Variants in RHBG observed in about 807,000 individuals in gnomAD.
RHBG encodes ammonium transporter Rh type B.
In RHBG, 39 loss-of-function variants were observed where a neutral mutation model predicts 40.1. That is an observed-to-expected ratio of 0.97 (90% CI 0.75 to 1.27). The LOEUF (loss-of-function observed/expected upper bound fraction) is 1.27, where lower values mean the gene tolerates loss of function less well. RHBG is among the 50% of genes most tolerant of loss of function. RHBG has a pLI of 0.00. For missense variants in RHBG, 549 were observed against 588.1 expected, an observed-to-expected ratio of 0.93 and a Z score of 0.69; for synonymous variants, 237 against 252.5, an observed-to-expected ratio of 0.94 and a Z score of 0.58.
chr1:156,369,289 C>T lies in RHBG; in HGVS notation c.40C>T (p.Gln14Ter). The T allele has an allele frequency of 6.2e-7, 1 of 1,613,996 alleles. No homozygotes were observed. The highest frequency in any genetic ancestry group is 1.1e-5 in the South Asian group (1 of 91,078). Residue 14 changes from glutamine (Q) to a stop codon, truncating the protein, a stop_gained, in exon 1 of 10, where the codon CAG becomes TAG. Transcript: ENST00000537040. LOFTEE classifies it high-confidence loss of function. ...SPSRAAGRRL[Q>*]LPLLCLFLQG... ...TAGCCGCGCCGCGGGCCGGCGACTGCAGCTTCCCCTGCTGTGCCTCTTCCT... is the reference window on the plus strand; with the variant it reads ...TAGCCGCGCCGCGGGCCGGCGACTGTAGCTTCCCCTGCTGTGCCTCTTCCT...
In RHBG at chr1:156,382,775, C is replaced by T. The variant is rs773087833; in HGVS notation, c.1140C>T (p.Ala380=). Residue 380 remains alanine (A), a synonymous_variant, in exon 8 of 10, where the codon GCC becomes GCT. Transcript: ENST00000537040. ...DGLESVFPLI[A]EGQRSATSQA... ...TGGAGAGTGTGTTTCCACTCATAGC[C>T]GAGGGCCAGCGCAGTGCCACGTCAC... The T allele has an allele frequency of 6.2e-6, 10 of 1,614,048 alleles. No individual in the cohort carries two copies. The highest frequency in any genetic ancestry group is 4.0e-5 in the African/African-American group (3 of 74,918).
Position 156,384,533 on chromosome 1 carries a change from T to C in RHBG, c.1241T>C (p.Leu414Pro). The C allele has an allele frequency of 6.2e-7, 1 of 1,605,734 alleles. No individual in the cohort carries two copies. The change falls in exon 9 of 10, where the codon CTG becomes CCG. Residue 414 changes from leucine to proline, a missense_variant. Leu to Pro is a moderately conservative substitution (Grantham distance 98). Coordinates refer to ENST00000537040, the MANE Select transcript of RHBG (RefSeq NM_020407.5). ...ASVGGGLGGL[L>P]LKLPFLDSPP... Reference sequence around the variant, plus strand: ...CCTCCCCTACCACCACCAGGGCTCCTGCTGAAGCTACCCTTTCTGGACTCC... The same window carrying C: ...CCTCCCCTACCACCACCAGGGCTCCCGCTGAAGCTACCCTTTCTGGACTCC...
Position 156,377,357 on chromosome 1 carries a change from C to T in RHBG, c.244C>T (p.Leu82=). The T allele has an allele frequency of 6.2e-7, 1 of 1,614,184 alleles. No homozygotes were observed. The highest frequency in any genetic ancestry group is 8.5e-7 in the Non-Finnish European group (1 of 1,179,974). ...FVGFGFLMVF[L]QRYGFSSVGF... is the part of the protein sequence containing the mutation. ...GGGCTTTGGCTTCCTCATGGTCTTC[C>T]TGCAGCGTTACGGCTTCAGCAGCGT... is the stretch of plus-strand genomic sequence containing the variant. Residue 82 remains leucine (L), a synonymous_variant, in exon 2 of 10, where the codon CTG becomes TTG. Transcript: ENST00000537040. This position sits in a 1 kb window ranked among gnomAD's most constrained non-coding sequence, Gnocchi z 4.6.
At chr1:156,375,634 A>G (rs1667138564) in intron 1 of RHBG, among the ~76,000 whole-genome samples, 1 of 152,218 alleles carries the variant, frequency 6.6e-6, no homozygotes, top group Non-Finnish European at 1.5e-5. Flanking sequence ...CAACATAGCA[A>G]GACTGACATC....
intron 1 of RHBG, among the ~76,000 whole-genome samples, chr1:156,372,833 C>A (rs1219496341): frequency 1.3e-5 from 2 of 152,162 alleles, no homozygotes; most frequent in African/African-American, 2.4e-5. Flanking sequence ...ACTCTGTCAT[C>A]CAGGCTGGAG....
chr1:156,381,947 T>A lies in RHBG; in HGVS notation c.978+4T>A. ...GCTGGGGTACAAGTTCTTCACGGTA[T>A]AGATGCCTCTTGGAGCCTGGGCAGA... On this transcript the variant is annotated splice_donor_region_variant and intron_variant, in intron 6 of 9. Transcript: ENST00000537040. The A allele has an allele frequency of 6.2e-7, 1 of 1,611,656 alleles. No homozygotes were observed. Among genetic ancestry groups the A allele is most frequent in the Non-Finnish European group, 8.5e-7 (1 of 1,179,496 alleles).
intron 1 of RHBG, chr1:156,371,930 C>G (rs183603302): frequency 1.3e-5 from 2 of 152,136 alleles, no homozygotes; most frequent in East Asian, 1.9e-4. Flanking sequence ...CTTTTTCTGC[C>G]CTAGGTTTCC....
chr1:156,384,596 G>A lies in RHBG; in HGVS notation c.1304G>A (p.Trp435Ter). 2 of 1,572,982 alleles carry A rather than the reference G, an allele frequency of 1.3e-6. No homozygotes were observed. The highest frequency in any genetic ancestry group is 1.7e-4 in the Middle Eastern group (1 of 5,830). ...DSQHYEDQVH[W>*]QVPGEHEDKA... Reference sequence around the variant, plus strand: ...CAGCACTACGAGGACCAAGTTCACTGGCAGGTGAGACATTGCTGGGCTCTC... The same window carrying A: ...CAGCACTACGAGGACCAAGTTCACTAGCAGGTGAGACATTGCTGGGCTCTC... Residue 435 changes from tryptophan (W) to a stop codon, truncating the protein, a stop_gained, in exon 9 of 10, where the codon TGG becomes TAG. Transcript: ENST00000537040. LOFTEE classifies it low-confidence loss of function (END_TRUNC).
In RHBG at chr1:156,377,963, G is replaced by C. The variant is rs1245163973; in HGVS notation, c.375-27G>C. On this transcript the variant is annotated intron_variant, in intron 2 of 9. Coordinates refer to ENST00000537040, the MANE Select transcript of RHBG (RefSeq NM_020407.5). This position sits in a 1 kb window ranked among gnomAD's most constrained non-coding sequence, Gnocchi z 4.6. ...GAGGCCAGCCTCTCTGACCCCTCTTGTGCTCCCACTTCTGCCCCATCCCCA... is the reference window on the plus strand; with the variant it reads ...GAGGCCAGCCTCTCTGACCCCTCTTCTGCTCCCACTTCTGCCCCATCCCCA... The C allele has an allele frequency of 6.6e-7, 1 of 1,521,260 alleles. No individual in the cohort carries two copies. The highest frequency in any genetic ancestry group is 1.3e-5 in the South Asian group (1 of 76,296). The allele number at this position is 1,521,260 out of a possible 1,614,324, so 94.2% of individuals were successfully genotyped here. A position where few individuals can be genotyped will look rare whatever the true frequency, so the allele number is the denominator to read the frequency against.
chr1:156,376,783 T>C (rs1008587785), intron 1 of RHBG, among the ~76,000 whole-genome samples: 6 of 152,194 alleles, frequency 3.9e-5, no homozygotes, highest in Admixed American at 3.3e-4. Context: ...CAGTGAGCTA[T>C]GATCATGCCG....
intron 8 of RHBG, among the ~76,000 whole-genome samples, chr1:156,383,554 G>A (rs1160628532): frequency 1.3e-5 from 2 of 150,464 alleles, no homozygotes; most frequent in Admixed American, 6.6e-5. Context: ...GGGATTACAG[G>A]CGTGAGCCAC....
At chr1:156,374,500 C>G (rs1350159039) in intron 1 of RHBG, 5 of 359,632 alleles carry the variant, frequency 1.4e-5, no homozygotes, top group Non-Finnish European at 2.7e-5. Flanking sequence ...TGAGTGAGAA[C>G]ATGCGGTGTT....
Position 156,377,906 on chromosome 1 carries a change from G to C in RHBG, c.375-84G>C. The C allele has an allele frequency of 1.3e-6, 1 of 769,956 alleles. No homozygotes were observed. The highest frequency in any genetic ancestry group is 2.1e-6 in the Non-Finnish European group (1 of 481,224). The allele number at this position is 769,956 out of a possible 1,614,324, so 47.7% of individuals were successfully genotyped here. A position where few individuals can be genotyped will look rare whatever the true frequency, so the allele number is the denominator to read the frequency against. On this transcript the variant is annotated intron_variant, in intron 2 of 9. Coordinates refer to ENST00000537040, the MANE Select transcript of RHBG (RefSeq NM_020407.5). This position sits in a 1 kb window ranked among gnomAD's most constrained non-coding sequence, Gnocchi z 4.6. ...AACCCCACCCCACCCACCACATCATGCTGTCCTGGCTTCATGCCAGGCAGG... is the reference window on the plus strand; with the variant it reads ...AACCCCACCCCACCCACCACATCATCCTGTCCTGGCTTCATGCCAGGCAGG...
At position 156,383,183 on chromosome 1, in the gene RHBG, T is replaced by A. The variant is rs867921; in HGVS notation, c.1234+314T>A. ...CCTCAGGCTGAGGCCTAGAAGGGGA[T>A]GGCTGCGCCATGTGGGGCAGGGACA... On this transcript the variant is annotated intron_variant, in intron 8 of 9. Transcript: ENST00000537040. Among the ~76,000 whole-genome samples, 29 of 152,154 alleles carry A rather than the reference T, an allele frequency of 1.9e-4. No individual in the cohort carries two copies. In the South Asian group the frequency reaches 3.3e-3, roughly 17 times the overall value.
At position 156,381,435 on chromosome 1, in the gene RHBG, A is replaced by G. The variant is rs756696678; in HGVS notation, c.762A>G (p.Thr254=). The G allele has an allele frequency of 3.1e-6, 5 of 1,613,860 alleles. No homozygotes were observed. Among genetic ancestry groups the G allele is most frequent in the Admixed American group, 1.7e-5 (1 of 59,970 alleles). ...GGCAGCATCGGACGGCCCTCAACAC[A>G]TACTACTCCCTGGCTGCCAGCACCC... ...GAGQHRTALN[T]YYSLAASTLG... is the part of the protein sequence containing the mutation. The change falls in exon 5 of 10, where the codon ACA becomes ACG. Residue 254 remains threonine, a synonymous_variant. Transcript: ENST00000537040.
rs544869667 is a variant in RHBG, at chr1:156,385,080, A to G, written c.*235A>G. The G allele has an allele frequency of 4.2e-6, 2 of 477,972 alleles. No homozygotes were observed. The highest frequency in any genetic ancestry group is 1.9e-5 in the African/African-American group (1 of 51,804). 29.6% of individuals were successfully genotyped at this position (477,972 alleles called of 1,614,324 possible). On this transcript the variant is annotated 3_prime_UTR_variant, in exon 10 of 10. Coordinates refer to ENST00000537040, the MANE Select transcript of RHBG (RefSeq NM_020407.5). ...TAGGGGGAACCTCACCAGATGCCCA[A>G]CCCGACTGCCCTACCAGCCTGCACA... is the stretch of plus-strand genomic sequence containing the variant.
At chr1:156,382,354 C>A in intron 7 of RHBG, 153 bp downstream of exon 7, 1 of 1,071,054 alleles carries the variant, frequency 9.3e-7, no homozygotes, top group Non-Finnish European at 1.4e-6. Context: ...AAAACCAACC[C>A]AGAAACTGCC....
chr1:156,374,142 T>A (rs776329009), intron 1 of RHBG, among the ~76,000 whole-genome samples: 6 of 152,144 alleles, frequency 3.9e-5, no homozygotes, highest in Non-Finnish European at 4.4e-5. Context: ...ATTAGACTCT[T>A]ATAGGAGCGC....
intron 1 of RHBG, chr1:156,374,587 A>AT (rs34071665): frequency 0.064 from 23,895 of 375,150 alleles, 183 homozygotes; most frequent in South Asian, 0.072. Context: ...ACAGGATTCC[A>AT]TTTTTTTTTT....
Sources: gnomAD v4.1 joint callset for allele counts (sites outside exome capture counted in the v4.1 genomes callset) on GRCh38, gnomAD v4.1.1 for gene constraint, Gnocchi (gnomAD v3.1) non-coding constraint, MANE v1.5 for transcripts, NCBI Gene and HGNC (gene_info 2026-07-23, HGNC 2026-07-21) for gene names.